The following UQCRC1 variants were observed in gnomAD, a reference collection of about 807,000 sequenced individuals.
UQCRC1 encodes the protein cytochrome b-c1 complex subunit 1, mitochondrial.
Under a neutral mutation model 58.0 loss-of-function variants are expected in UQCRC1, and 34 were observed. The ratio of observed to expected loss-of-function variants is 0.59; its 90% CI spans 0.45 to 0.78. The LOEUF (loss-of-function observed/expected upper bound fraction) is 0.78, where lower values mean the gene tolerates loss of function less well. Among genes scored for constraint, UQCRC1 ranks in the 30% least tolerant of loss-of-function variants. The pLI is 0.00. For missense variants in UQCRC1, 610 were observed against 646.0 expected (o/e 0.94, Z 0.60); for synonymous variants, 276 against 248.8 (o/e 1.11, Z -1.03).
chr3:48,603,724 G>A, intron 5 of UQCRC1, 81 bp from the exon 6 acceptor site: 1 of 1,294,256 alleles, frequency 7.7e-7, no homozygotes, highest in Non-Finnish European at 1.1e-6. Context: ...GGACTGAGGA[G>A]GCAGACTAGG....
chr3:48,602,872 A>AC (rs371045351), intron 6 of UQCRC1, among the ~76,000 whole-genome samples: 19 of 152,104 alleles, frequency 1.2e-4, no homozygotes, highest in African/African-American at 4.6e-4. Flanking sequence ...CCAGACCCCA[A>AC]CCAGGTTCCA....
chr3:48,609,565 C>T lies in UQCRC1; in HGVS notation c.56G>A (p.Arg19His). 6.4e-7 allele frequency: 1 copy of T among 1,565,734 alleles called. No homozygotes were observed. Reference sequence around the variant, plus strand: ...CCACCACCTCACCGAGCGGCGGGCGCGCAATAGCACTTGTGCCCCGGCGGT... The same window carrying T: ...CCACCACCTCACCGAGCGGCGGGCGTGCAATAGCACTTGTGCCCCGGCGGT... ...AATAGAQVLL[R>H]ARRSPALLRT... Residue 19 changes from arginine (R) to histidine (H), a missense_variant, in exon 1 of 13, where the codon CGC becomes CAC. By Grantham distance (29) the Arg-to-His change is conservative (BLOSUM62 0). Coordinates refer to ENST00000203407, the MANE Select transcript of UQCRC1 (RefSeq NM_003365.3).
chr3:48,604,900 C>G (rs2046397956), intron 3 of UQCRC1, 120 bp from the exon 4 acceptor site: 5 of 1,389,362 alleles, frequency 3.6e-6, no homozygotes, highest in South Asian at 1.3e-5. Flanking sequence ...AGCATAGACT[C>G]TGGGGACACA....
chr3:48,609,218 G>A lies in UQCRC1; in HGVS notation c.154C>T (p.Leu52=), dbSNP rs1485703538. 6.2e-7 allele frequency: 1 copy of A among 1,613,072 alleles called. No homozygotes were observed. Among genetic ancestry groups the A allele is most frequent in the South Asian group, 1.1e-5 (1 of 91,070 alleles). ...GCCACACGCAGGCCGTTGTCCAGCA[G>A]GCTAACCTGCGTCTCCGGCACGAAC... is the stretch of plus-strand genomic sequence containing the variant. The part of the protein sequence containing the change: ...LQFVPETQVS[L]LDNGLRVASE... The change falls in exon 2 of 13, where the codon CTG becomes TTG. Residue 52 remains leucine (L), a synonymous_variant. Transcript: ENST00000203407.
chr3:48,602,281 G>A (rs1575512663), intron 6 of UQCRC1, among the ~76,000 whole-genome samples: 1 of 151,986 alleles, frequency 6.6e-6, no homozygotes, highest in Non-Finnish European at 1.5e-5. Context: ...TCGAGCTCCT[G>A]ATCTTGTGAT....
chr3:48,605,998 C>T, intron 2 of UQCRC1, 142 bp from the exon 3 acceptor site: 2 of 735,816 alleles, frequency 2.7e-6, no homozygotes, highest in Middle Eastern at 3.4e-4. Context: ...AGCAGGACCC[C>T]TGTGCTTGGG....
intron 12 of UQCRC1, 188 bp from the exon 13 acceptor site, chr3:48,599,380 C>T: frequency 1.3e-6 from 1 of 744,948 alleles, no homozygotes; most frequent in Non-Finnish European, 2.1e-6. Context: ...CTTGAAGCCC[C>T]ACCCCACATG....
rs756652985 is a variant in UQCRC1 at position 48,599,091 on chromosome 3, C to T, written c.*37G>A. 34 of 1,609,410 alleles carry T rather than the reference C, an allele frequency of 2.1e-5. No individual in the cohort carries two copies. Among genetic ancestry groups the T allele is most frequent in the Non-Finnish European group, 2.9e-5 (34 of 1,177,494 alleles). On this transcript the variant is annotated 3_prime_UTR_variant, in exon 13 of 13. Coordinates refer to ENST00000203407, the MANE Select transcript of UQCRC1 (RefSeq NM_003365.3). ...TTTGTGGTGGGGGGGGGACCACAAA[C>T]CCCGGCCCTGCCCTCTTGCTTACAT...
rs35090371 is a variant in UQCRC1, at chr3:48,602,053, C to CTT, written c.707-588_707-587dup. 4.9e-4 allele frequency among the ~76,000 whole-genome samples: 69 copies of CTT among 140,680 alleles called. 2 individuals carry two copies. The highest frequency in any genetic ancestry group is 1.4e-3 in the East Asian group (7 of 4,918). 92.3% of individuals were successfully genotyped at this position (140,680 alleles called of 152,430 possible). Reference sequence around the variant, plus strand: ...CTGTGGTGCCACCAGTTGCATTGGCCTTTTTTTTTTTTTTTGAGACGGAGT... The same window carrying CTT: ...CTGTGGTGCCACCAGTTGCATTGGCCTTTTTTTTTTTTTTTTTGAGACGGAGT... On this transcript the variant is annotated intron_variant, in intron 6 of 12. Coordinates refer to ENST00000203407, the MANE Select transcript of UQCRC1 (RefSeq NM_003365.3).
At position 48,604,362 on chromosome 3, in the gene UQCRC1, T is replaced by C. The variant is rs1008222040; in HGVS notation, c.497A>G (p.Asp166Gly). The C allele has an allele frequency of 5.6e-6, 9 of 1,614,208 alleles. No homozygotes were observed. The highest frequency in any genetic ancestry group is 7.6e-6 in the Non-Finnish European group (9 of 1,180,046). The stretch of plus-strand genomic sequence containing the variant: ...CTCCTGCATCTCCCGCAGGATCACA[T>C]CACGTTCCTTCTCAATCTGTGAGTC... ...LEDSQIEKER[D>G]VILREMQEND... is the part of the protein sequence containing the mutation. Residue 166 changes from aspartate to glycine, a missense_variant, in exon 5 of 13, where the codon GAT becomes GGT. Transcript: ENST00000203407.
chr3:48,600,098 G>A lies in UQCRC1; in HGVS notation c.1267C>T (p.Arg423Cys), dbSNP rs746531924. The stretch of plus-strand genomic sequence containing the variant: ...CTTTCCCATTCAGCCAGGGGGATGC[G>A]GCGGCCATAGGTCAGGAGGCTGCGT... ...IGRSLLTYGR[R>C]IPLAEWESRI... The change falls in exon 11 of 13, where the codon CGC (arginine) becomes TGC (cysteine). Residue 423 changes from arginine to cysteine, a missense_variant. By Grantham distance (180) the Arg-to-Cys change is radical. Coordinates refer to ENST00000203407, the MANE Select transcript of UQCRC1 (RefSeq NM_003365.3). 1.7e-5 allele frequency: 27 copies of A among 1,614,022 alleles called. No homozygotes were observed. The highest frequency in any genetic ancestry group is 3.3e-5 in the South Asian group (3 of 91,080).
Position 48,600,826 on chromosome 3 carries a change from T to A in UQCRC1, c.981A>T (p.Pro327=). ...TYGGGVHLSS[P]LASGAVANKL... ...TGTTGGCCACAGCACCTGAAGCCAG[T>A]GGGCTGGACAGGTGCTGCCAGGGGG... The change falls in exon 9 of 13, where the codon CCA becomes CCT. Residue 327 remains proline (P), a synonymous_variant. Coordinates refer to ENST00000203407, the MANE Select transcript of UQCRC1 (RefSeq NM_003365.3). The A allele has an allele frequency of 6.2e-7, 1 of 1,613,992 alleles. No homozygotes were observed. The highest frequency in any genetic ancestry group is 1.7e-5 in the Admixed American group (1 of 60,034).
At chr3:48,609,368 C>T in intron 1 of UQCRC1, 66 bp from the exon 2 acceptor site, 1 of 1,560,514 alleles carries the variant, frequency 6.4e-7, no homozygotes, top group Non-Finnish European at 8.7e-7. Context: ...CCCAGGTCCT[C>T]AGGAGGACCC....
chr3:48,604,839 C>T, intron 3 of UQCRC1, 59 bp from the exon 4 acceptor site: 3 of 1,604,532 alleles, frequency 1.9e-6, no homozygotes, highest in Non-Finnish European at 2.5e-6. Flanking sequence ...AGAACCCTGT[C>T]CTCAGAGGCT....
chr3:48,607,453 G>C (rs908009924), intron 2 of UQCRC1, among the ~76,000 whole-genome samples: 2 of 152,150 alleles, frequency 1.3e-5, no homozygotes, highest in Admixed American at 1.3e-4. Flanking sequence ...GGGATTATAG[G>C]CATGAGCCAC....
rs776218304 is a variant in UQCRC1, at chr3:48,600,696, C to T, written c.1111G>A (p.Val371Ile). Residue 371 changes from valine (V) to isoleucine (I), a missense_variant, in exon 9 of 13, where the codon GTC becomes ATC. By Grantham distance (29) the Val-to-Ile change is conservative. Transcript: ENST00000203407. The part of the protein sequence containing the change: ...DRMKIDDMMF[V>I]LQGQWMRLCT... ...GCCACTTACCACTGCCCTTGCAGGA[C>T]GAACATCATGTCATCGATTTTCATT... The T allele has an allele frequency of 1.2e-5, 19 of 1,614,048 alleles. No homozygotes were observed. The African/African-American group carries it at 1.6e-4, about 14-fold the overall frequency.
At chr3:48,609,393 T>C (rs1271296531) in intron 1 of UQCRC1, 91 bp from the exon 2 acceptor site, 2 of 1,526,590 alleles carry the variant, frequency 1.3e-6, no homozygotes, top group Non-Finnish European at 1.8e-6. Context: ...ACCCCGCCCC[T>C]AGGCAAGCGG....
chr3:48,605,288 A>C (rs773498496), intron 3 of UQCRC1, among the ~76,000 whole-genome samples: 52 of 152,176 alleles, frequency 3.4e-4, no homozygotes, highest in Non-Finnish European at 6.8e-4. Context: ...TTAATTCTGC[A>C]CACATACCTG....
chr3:48,607,829 CT>C (rs111580530), intron 2 of UQCRC1, among the ~76,000 whole-genome samples: 184 of 143,558 alleles, frequency 1.3e-3, no homozygotes, highest in Admixed American at 1.3e-3. Context: ...TAAGTAATTT[CT>C]TTTTTTTTTT....
Sources: allele counts gnomAD v4.1 joint callset (sites outside exome capture counted in the v4.1 genomes callset), GRCh38; gene constraint gnomAD v4.1.1; transcripts MANE v1.5; gene names NCBI Gene and HGNC (gene_info 2026-07-23, HGNC 2026-07-21).